Variants in TBC1D1 observed in about 807,000 individuals in gnomAD.
TBC1D1 encodes TBC1 domain family member 1, also known as TBC1 (tre-2/USP6, BUB2, cdc16) domain family, member 1.
TBC1D1 carries 89 observed loss-of-function variants against 125.6 expected under a neutral mutation model. The observed-to-expected ratio is 0.71, with a 90% CI of 0.60 to 0.85. The LOEUF (loss-of-function observed/expected upper bound fraction) is 0.85. TBC1D1 is among the 40% of genes least tolerant of loss of function. TBC1D1 has a pLI of 0.00. For synonymous variants in TBC1D1, 565 were observed against 564.1 expected, an observed-to-expected ratio of 1.00 and a Z score of -0.02; for missense variants, 1,377 against 1,469.2, an observed-to-expected ratio of 0.94 and a Z score of 1.03.
chr4:38,133,324 G>T, intron 19 of TBC1D1, 67 bp downstream of exon 21: 4 of 1,461,540 alleles, frequency 2.7e-6, no homozygotes, highest in Non-Finnish European at 3.7e-6. Flanking sequence ...CTCACCAAAG[G>T]CAACAGCAGG....
Position 38,014,755 on chromosome 4 carries a change from ACAGGGAGCCAGGAGCC to A in TBC1D1, c.665_680del (p.Thr222MetfsTer84). 1 of 1,062,986 alleles carries A rather than the reference ACAGGGAGCCAGGAGCC, an allele frequency of 9.4e-7. No homozygotes were observed. The highest frequency in any genetic ancestry group is 1.4e-6 in the Non-Finnish European group (1 of 720,560). The allele number at this position is 1,062,986 out of a possible 1,614,324, so 65.8% of individuals were successfully genotyped here. ...CCCCAACCCGCCCCATGCCGCGCCC[ACAGGGAGCCAGGAGCC>A]TGTGCGCAGGCCCATGCGCAAGTCC... On this transcript the variant is annotated frameshift_variant, in exon 3 of 20. Transcript: ENST00000261439. LOFTEE classifies it high-confidence loss of function. This position sits in a 1 kb window ranked among gnomAD's most constrained non-coding sequence, Gnocchi z 5.1.
chr4:38,022,533 A>T (rs1247042048), intron 6 of TBC1D1, among the ~76,000 whole-genome samples: 1 of 152,180 alleles, frequency 6.6e-6, no homozygotes. Flanking sequence ...AGACCTGGGG[A>T]TTGCAGCTAA....
chr4:38,069,254 A>AC (rs1251803019), intron 12 of TBC1D1, among the ~76,000 whole-genome samples: 3 of 152,176 alleles, frequency 2.0e-5, no homozygotes, highest in Non-Finnish European at 4.4e-5. Context: ...ATTGAGTATC[A>AC]CCAACCTGTT....
At chr4:38,016,883 C>A (rs1276480982) in intron 3 of TBC1D1, among the ~76,000 whole-genome samples, 2 of 152,146 alleles carry the variant, frequency 1.3e-5, no homozygotes, top group Non-Finnish European at 2.9e-5. Context: ...TGTGAAATAT[C>A]TTTGGCTACA....
intron 2 of TBC1D1, among the ~76,000 whole-genome samples, chr4:37,993,260 A>G (rs984078505): frequency 2.0e-5 from 3 of 152,324 alleles, no homozygotes; most frequent in African/African-American, 4.8e-5. Flanking sequence ...TCAGAACACT[A>G]TGAAGAATCT....
At chr4:37,925,580 G>A (rs1721913954) in intron 2 of TBC1D1, among the ~76,000 whole-genome samples, 1 of 151,442 alleles carries the variant, frequency 6.6e-6, no homozygotes, top group Non-Finnish European at 1.5e-5. Flanking sequence ...GCTGGGCATG[G>A]TGAGGCACGC....
intron 2 of TBC1D1, among the ~76,000 whole-genome samples, chr4:37,961,910 G>C (rs1334611102): frequency 6.6e-6 from 1 of 152,226 alleles, no homozygotes; most frequent in East Asian, 1.9e-4. Context: ...CTGGTCCTTA[G>C]AGAAGAGTTA....
At chr4:37,980,704 T>C (rs927568368) in intron 2 of TBC1D1, among the ~76,000 whole-genome samples, 4 of 152,184 alleles carry the variant, frequency 2.6e-5, no homozygotes, top group Non-Finnish European at 5.9e-5. Context: ...TAGTTTATGG[T>C]GTGTATTAAG....
chr4:38,081,787 G>A (rs1311572640), intron 12 of TBC1D1, among the ~76,000 whole-genome samples: 1 of 152,130 alleles, frequency 6.6e-6, no homozygotes, highest in Admixed American at 6.5e-5. Flanking sequence ...TGACACAGAG[G>A]GGTGGTCGAG....
intron 2 of TBC1D1, among the ~76,000 whole-genome samples, chr4:37,909,750 G>C (rs1403878897): frequency 1.3e-5 from 2 of 152,090 alleles, no homozygotes; most frequent in South Asian, 2.1e-4. Context: ...ATGTTTTGGA[G>C]GACTTCTTAC....
intron 2 of TBC1D1, among the ~76,000 whole-genome samples, chr4:37,971,445 A>G (rs1187903685): frequency 6.6e-6 from 1 of 152,202 alleles, no homozygotes; most frequent in East Asian, 1.9e-4. Flanking sequence ...GTTTTGCCTT[A>G]TAAAACCATC....
intron 12 of TBC1D1, among the ~76,000 whole-genome samples, chr4:38,069,319 G>T (rs1354444351): frequency 6.6e-6 from 1 of 152,144 alleles, no homozygotes; most frequent in Non-Finnish European, 1.5e-5. Context: ...TCAGCTCCTT[G>T]TGAGAGGAAG....
chr4:37,893,982 G>T (rs1386205813), intron 1 of TBC1D1, among the ~76,000 whole-genome samples: 1 of 142,186 alleles, frequency 7.0e-6, no homozygotes, highest in Non-Finnish European at 1.5e-5. Context: ...CATGCTTCAA[G>T]GTTTTTGACT....
intron 12 of TBC1D1, 126 bp downstream of exon 14, chr4:38,054,464 C>A: frequency 8.2e-7 from 1 of 1,221,914 alleles, no homozygotes; most frequent in Non-Finnish European, 1.1e-6. Flanking sequence ...GAGGCAATCA[C>A]AAAGGTAACT....
intron 12 of TBC1D1, among the ~76,000 whole-genome samples, chr4:38,061,947 TA>T (rs151288217): frequency 0.045 from 6,820 of 152,310 alleles, 271 homozygotes; most frequent in African/African-American, 0.099. Flanking sequence ...ATAAGTGGAA[TA>T]AACTGCAGGT....
chr4:38,050,029 T>C (rs1750206574), intron 11 of TBC1D1, 131 bp downstream of exon 11: 1 of 1,029,494 alleles, frequency 9.7e-7, no homozygotes, highest in Admixed American at 2.7e-5. Context: ...GAGATAAAAC[T>C]GGAAGCAGTG....
chr4:38,021,755 G>A, intron 6 of TBC1D1, 37 bp downstream of exon 6: 1 of 1,480,700 alleles, frequency 6.8e-7, no homozygotes, highest in Non-Finnish European at 9.0e-7. Context: ...AACACAGTGG[G>A]AGTTAAAGGT....
Position 38,115,870 on chromosome 4 carries a change from G to A in TBC1D1, c.2718G>A (p.Glu906=), listed in dbSNP as rs778330632. The change falls in exon 16 of 20, where the codon GAG becomes GAA. Residue 906 remains glutamate (E), a synonymous_variant. Transcript: ENST00000261439. ...GCATTTTGCTTCTTCATATGAGTGA[G>A]GAAGAGGCGTTTAAAATGCTCAAGT... is the stretch of plus-strand genomic sequence containing the variant. The A allele has an allele frequency of 1.2e-6, 2 of 1,614,190 alleles. No homozygotes were observed. Among genetic ancestry groups the A allele is most frequent in the Non-Finnish European group, 1.7e-6 (2 of 1,180,036 alleles).
At chr4:38,087,845 C>CAAAAAAAAAAAAAAAAAAAAAAA (rs1215951890) in intron 12 of TBC1D1, among the ~76,000 whole-genome samples, 2 of 67,880 alleles carry the variant, frequency 2.9e-5, no homozygotes, top group African/African-American at 1.0e-4. Flanking sequence ...GATTCCGTCT[C>CAAAAAAAAAAAAAAAAAAAAAAA]AAAAAAAAAA....
Sources: allele counts gnomAD v4.1 joint callset (sites outside exome capture counted in the v4.1 genomes callset), GRCh38; gene constraint gnomAD v4.1.1; non-coding constraint Gnocchi (gnomAD v3.1); transcripts MANE v1.5; gene names NCBI Gene and HGNC (gene_info 2026-07-23, HGNC 2026-07-21).